Variants in LDLRAD4 observed in about 807,000 individuals in gnomAD.
LDLRAD4 encodes the protein low-density lipoprotein receptor class A domain-containing protein 4.
A neutral mutation model predicts 17.0 loss-of-function variants in LDLRAD4; 5 were observed. The observed-to-expected ratio is 0.29, with a 90% CI of 0.15 to 0.62. LDLRAD4 has a LOEUF of 0.62. LDLRAD4 is among the 20% of genes least tolerant of loss of function. LDLRAD4 has a pLI of 0.84. For synonymous variants in LDLRAD4, 168 were observed against 171.8 expected (o/e 0.98, Z 0.17); for missense variants, 340 against 424.7 (o/e 0.80, Z 1.75).
intron 3 of LDLRAD4, among the ~76,000 whole-genome samples, chr18:13,581,668 T>C (rs1382500767): frequency 6.6e-6 from 1 of 152,200 alleles, no homozygotes; most frequent in East Asian, 1.9e-4. Context: ...GTGGTTTCTA[T>C]TGGCTCCTAG....
At chr18:13,595,339 G>A (rs939086126) in intron 3 of LDLRAD4, among the ~76,000 whole-genome samples, 2 of 152,002 alleles carry the variant, frequency 1.3e-5, no homozygotes, top group Non-Finnish European at 2.9e-5. Context: ...TCTTAATGTA[G>A]GCTTTTACAG....
intron 1 of LDLRAD4, among the ~76,000 whole-genome samples, chr18:13,353,170 G>A (rs549571910): frequency 1.4e-4 from 22 of 151,900 alleles, no homozygotes; most frequent in African/African-American, 5.3e-4. Context: ...TTCCTGTTTT[G>A]TCTTTTGTAT....
Position 13,591,432 on chromosome 18 carries a change from C to CTGTG in LDLRAD4, c.182-29671_182-29668dup, listed in dbSNP as rs58480746. On this transcript the variant is annotated intron_variant, in intron 3 of 5. Transcript: ENST00000359446. ...TGTGTGTGTATGTGTGTGTGTGTGT[C>CTGTG]TGTGTGTGTGTGTGTGTCTCTGTGT... is the stretch of plus-strand genomic sequence containing the variant. Among the ~76,000 whole-genome samples, 54 of 150,764 alleles carry CTGTG rather than the reference C, an allele frequency of 3.6e-4. No homozygotes were observed. In the South Asian group the frequency reaches 5.5e-3, roughly 15 times the overall value.
At chr18:13,462,015 G>A (rs1215876973) in intron 3 of LDLRAD4, 1 of 152,218 alleles carries the variant, frequency 6.6e-6, no homozygotes, top group Non-Finnish European at 1.5e-5. Flanking sequence ...TAGGAAGTCG[G>A]TGTGAATCGG....
intron 3 of LDLRAD4, among the ~76,000 whole-genome samples, chr18:13,609,013 G>A (rs1368601290): frequency 1.0e-5 from 1 of 99,738 alleles, no homozygotes; most frequent in Admixed American, 9.8e-5. Context: ...GCTCTGAGAT[G>A]CGTTGGTGAC....
intron 2 of LDLRAD4, among the ~76,000 whole-genome samples, chr18:13,392,230 G>T (rs369810185): frequency 6.6e-6 from 1 of 152,252 alleles, no homozygotes; most frequent in Non-Finnish European, 1.5e-5. Flanking sequence ...AGCTGTGCGT[G>T]GAGCGGCCCC....
intron 3 of LDLRAD4, among the ~76,000 whole-genome samples, chr18:13,582,355 C>T (rs556041247): frequency 5.9e-5 from 9 of 152,316 alleles, no homozygotes; most frequent in African/African-American, 1.2e-4. Flanking sequence ...CATCCCAGGC[C>T]GCAGCATGGT....
rs184983869 is a variant in LDLRAD4, at chr18:13,269,374, A to G, written c.-466-8731A>G. 5.8e-4 allele frequency among the ~76,000 whole-genome samples: 89 copies of G among 152,356 alleles called. 1 individual carries two copies. The highest frequency in any genetic ancestry group is 2.0e-3 in the African/African-American group (85 of 41,586). Reference sequence around the variant, plus strand: ...AAGAGGAACTTGGTAATTTTTTAAAACACTGGCTCAATGAAATGTAAGCAG... The same window carrying G: ...AAGAGGAACTTGGTAATTTTTTAAAGCACTGGCTCAATGAAATGTAAGCAG... On this transcript the variant is annotated intron_variant, in intron 1 of 5. Transcript: ENST00000399848.
In LDLRAD4 at chr18:13,440,372, A is replaced by C. The variant is rs72876703; in HGVS notation, c.181+1988A>C. The stretch of plus-strand genomic sequence containing the variant: ...CATTTTTTAAAATGCGAGCACTTTA[A>C]TTCTGCCTAGAAGCCGAGGGAGCAG... On this transcript the variant is annotated intron_variant, in intron 3 of 5. Transcript: ENST00000359446. This position sits in a 1 kb window ranked among gnomAD's most constrained non-coding sequence, Gnocchi z 4.4. Among the ~76,000 whole-genome samples, 7,705 of 152,186 alleles carry C rather than the reference A, an allele frequency of 0.051. 256 individuals are homozygous for C. Among genetic ancestry groups the C allele is most frequent in the Non-Finnish European group, 0.077 (5,253 of 68,010 alleles).
intron 1 of LDLRAD4, chr18:13,279,276 A>G (rs2045097356): frequency 6.6e-6 from 1 of 152,250 alleles, no homozygotes; most frequent in Non-Finnish European, 1.5e-5. Flanking sequence ...ACAGAACAGC[A>G]CGGTGTTTGA....
intron 3 of LDLRAD4, among the ~76,000 whole-genome samples, chr18:13,608,591 A>G (rs1039237598): frequency 6.6e-6 from 1 of 152,172 alleles, no homozygotes; most frequent in South Asian, 2.1e-4. Flanking sequence ...ATCACCTCCA[A>G]TCAAATCCCT....
intron 1 of LDLRAD4, among the ~76,000 whole-genome samples, chr18:13,289,871 C>T (rs1229659753): frequency 6.6e-6 from 1 of 152,224 alleles, no homozygotes; most frequent in Non-Finnish European, 1.5e-5. Context: ...ATAATCCCAT[C>T]ATATCTCAGC....
chr18:13,527,312 C>A (rs971813960), intron 3 of LDLRAD4, among the ~76,000 whole-genome samples: 3 of 152,234 alleles, frequency 2.0e-5, no homozygotes, highest in African/African-American at 7.2e-5. Context: ...ACAGGGTTGT[C>A]GCTTGGCATA....
intron 1 of LDLRAD4, among the ~76,000 whole-genome samples, chr18:13,269,411 A>C (rs1046896008): frequency 6.6e-6 from 1 of 152,252 alleles, no homozygotes; most frequent in Non-Finnish European, 1.5e-5. Context: ...TGGCTTACAC[A>C]CAGTGACAAT....
At chr18:13,397,780 A>G (rs1182032304) in intron 2 of LDLRAD4, among the ~76,000 whole-genome samples, 1 of 152,204 alleles carries the variant, frequency 6.6e-6, no homozygotes, top group African/African-American at 2.4e-5. Flanking sequence ...GGAGTTGGGG[A>G]GAAAACCAGG....
chr18:13,224,635 A>G (rs1377448190), intron 1 of LDLRAD4, among the ~76,000 whole-genome samples: 8 of 150,030 alleles, frequency 5.3e-5, no homozygotes, highest in African/African-American at 2.0e-4. Context: ...ACGTGCCACC[A>G]CGCCCGGCTA....
chr18:13,560,985 A>G (rs2094534319), intron 3 of LDLRAD4, among the ~76,000 whole-genome samples: 1 of 152,204 alleles, frequency 6.6e-6, no homozygotes, highest in African/African-American at 2.4e-5. Flanking sequence ...TCTGATTTTT[A>G]TGGAGACACA....
At chr18:13,390,656 C>CA (rs57932704) in intron 2 of LDLRAD4, among the ~76,000 whole-genome samples, 8,548 of 144,846 alleles carry the variant, frequency 0.059, 764 homozygotes, top group African/African-American at 0.2. Flanking sequence ...GGTCATGTCT[C>CA]AAAAAAAAAA....
chr18:13,489,476 A>C (rs1464670203), intron 3 of LDLRAD4: 2 of 152,190 alleles, frequency 1.3e-5, no homozygotes, highest in Admixed American at 6.5e-5. Context: ...TCTTACACCA[A>C]ATAAGGGTGT....
Sources: gnomAD v4.1 joint callset for allele counts (sites outside exome capture counted in the v4.1 genomes callset) on GRCh38, gnomAD v4.1.1 for gene constraint, Gnocchi (gnomAD v3.1) non-coding constraint, MANE v1.5 for transcripts, NCBI Gene and HGNC (gene_info 2026-07-23, HGNC 2026-07-21) for gene names.